Variants in ATXN7 observed in about 807,000 individuals in gnomAD.
The protein encoded by ATXN7 is ataxin 7.
ATXN7 carries 12 observed loss-of-function variants against 70.5 expected under a neutral mutation model. The observed-to-expected ratio is 0.17, with a 90% confidence interval of 0.11 to 0.28. ATXN7 has a LOEUF of 0.28. Ranked by LOEUF, ATXN7 falls within the 10% of genes least tolerant of loss-of-function variation. The pLI is 1.00. For missense variants in ATXN7, 1,256 were observed against 1,131.7 expected, an observed-to-expected ratio of 1.11 and a Z score of -1.58; for synonymous variants, 498 against 448.7, an observed-to-expected ratio of 1.11 and a Z score of -1.39.
At chr3:63,985,547 A>G (rs1209574630) in intron 8 of ATXN7, among the ~76,000 whole-genome samples, 3 of 152,180 alleles carry the variant, frequency 2.0e-5, no homozygotes, top group African/African-American at 7.2e-5. Flanking sequence ...ACATGCCTGC[A>G]TGTCCCTACC....
chr3:63,969,990 G>A (rs548492972), intron 5 of ATXN7, among the ~76,000 whole-genome samples: 2 of 152,266 alleles, frequency 1.3e-5, no homozygotes, highest in South Asian at 2.1e-4. Flanking sequence ...AGATAGTGAG[G>A]TCAAATAAAT....
intron 4 of ATXN7, among the ~76,000 whole-genome samples, chr3:63,945,215 T>C (rs1268926358): frequency 6.6e-6 from 1 of 152,224 alleles, no homozygotes; most frequent in Non-Finnish European, 1.5e-5. Context: ...AACTGTATTT[T>C]AGACACAGGG....
chr3:63,995,717 C>T lies in ATXN7; in HGVS notation c.1895C>T (p.Ser632Leu), dbSNP rs1350730574. The change falls in exon 12 of 13, where the codon TCA becomes TTA. Residue 632 changes from serine to leucine, a missense_variant. By Grantham distance (145) the Ser-to-Leu change is moderately radical. Coordinates refer to ENST00000674280, the MANE Select transcript of ATXN7 (RefSeq NM_001377405.1). ...ACACTAAATGCACAGCCTGCTGCTT[C>T]AGGGGCGATGGATCCTGTGTGCAGT... ...GTTLNAQPAA[S>L]GAMDPVCSMQ... The T allele has an allele frequency of 6.8e-6, 11 of 1,614,258 alleles. No homozygotes were observed. The highest frequency in any genetic ancestry group is 9.3e-6 in the Non-Finnish European group (11 of 1,180,040).
intron 1 of ATXN7, 60 bp from the exon 2 acceptor site, chr3:63,898,339 T>C (rs1008675947): frequency 2.6e-5 from 4 of 152,234 alleles, no homozygotes; most frequent in African/African-American, 9.6e-5. Context: ...AGATTGTATG[T>C]TTCTGATTAG....
intron 4 of ATXN7, among the ~76,000 whole-genome samples, chr3:63,919,599 C>CT (rs200285154): frequency 8.6e-5 from 13 of 151,230 alleles, no homozygotes; most frequent in Admixed American, 2.6e-4. Context: ...CATTCACTAT[C>CT]TTTTTTTTTA....
intron 2 of ATXN7, among the ~76,000 whole-genome samples, chr3:63,907,345 T>C (rs1703869784): frequency 6.6e-6 from 1 of 152,194 alleles, no homozygotes; most frequent in African/African-American, 2.4e-5. Flanking sequence ...GAAATTACGT[T>C]TAACAATGTG....
At chr3:63,891,515 G>A (rs1703262534) in intron 1 of ATXN7, among the ~76,000 whole-genome samples, 1 of 151,622 alleles carries the variant, frequency 6.6e-6, no homozygotes, top group Admixed American at 6.6e-5. Context: ...TAGAGATGGA[G>A]TCTCGCTGTG....
chr3:63,946,063 C>T (rs2074853681), intron 4 of ATXN7, among the ~76,000 whole-genome samples: 1 of 152,178 alleles, frequency 6.6e-6, no homozygotes, highest in African/African-American at 2.4e-5. Flanking sequence ...TTCCAAATGC[C>T]AGTCATTTAC....
intron 4 of ATXN7, among the ~76,000 whole-genome samples, chr3:63,949,272 T>C (rs75645535): frequency 2.0e-5 from 3 of 151,442 alleles, no homozygotes; most frequent in African/African-American, 4.9e-5. Flanking sequence ...TTTTTTTTTT[T>C]CCTGAAGAAG....
At chr3:63,929,341 C>G (rs368162752) in intron 4 of ATXN7, among the ~76,000 whole-genome samples, 1 of 149,126 alleles carries the variant, frequency 6.7e-6, no homozygotes, top group Non-Finnish European at 1.5e-5. Context: ...GGCGCCATCT[C>G]GGCTCACTGC....
chr3:63,934,485 G>C (rs1339284969), intron 4 of ATXN7, among the ~76,000 whole-genome samples: 1 of 152,174 alleles, frequency 6.6e-6, no homozygotes, highest in Non-Finnish European at 1.5e-5. Flanking sequence ...CACTAGGAAA[G>C]AGATGTTCTT....
In ATXN7 at chr3:63,982,253, G is replaced by T; in HGVS notation, c.820G>T (p.Val274Leu). ...KMDGTLLKSA[V>L]GPTCPATVSS... Reference sequence around the variant, plus strand: ...GGATGGCACACTACTGAAATCTGCGGTGGGGCCAACCTGTCCTGCTACTGT... The same window carrying T: ...GGATGGCACACTACTGAAATCTGCGTTGGGGCCAACCTGTCCTGCTACTGT... The change falls in exon 7 of 13, where the codon GTG (valine) becomes TTG (leucine). Residue 274 changes from valine (V) to leucine (L), a missense_variant. By Grantham distance (32) the Val-to-Leu change is conservative (BLOSUM62 1). Coordinates refer to ENST00000674280, the MANE Select transcript of ATXN7 (RefSeq NM_001377405.1). 6.2e-7 allele frequency: 1 copy of T among 1,614,120 alleles called. No individual in the cohort carries two copies. The highest frequency in any genetic ancestry group is 2.2e-5 in the East Asian group (1 of 44,874).
At chr3:63,998,526 GC>G (rs2075795767) in intron 12 of ATXN7, 1 of 985,180 alleles carries the variant, frequency 1.0e-6, no homozygotes, top group South Asian at 4.7e-5. Flanking sequence ...AACACAGACA[GC>G]CTAACTTTGG....
rs145594307 is a variant in ATXN7 at position 63,930,506 on chromosome 3, A to T, written c.394+17281A>T. Among the ~76,000 whole-genome samples the T allele has an allele frequency of 2.9e-3, 438 of 151,188 alleles. 1 individual carries two copies. Among genetic ancestry groups the T allele is most frequent in the African/African-American group, 0.01 (419 of 41,048 alleles). ...TCCAGAGTGGAAGAATAGCCACTTG[A>T]TCTTTTTCAAATCCCAGAGTTTACA... On this transcript the variant is annotated intron_variant, in intron 4 of 12. Coordinates refer to ENST00000674280, the MANE Select transcript of ATXN7 (RefSeq NM_001377405.1).
intron 8 of ATXN7, among the ~76,000 whole-genome samples, chr3:63,986,026 C>T (rs1559657769): frequency 6.6e-6 from 1 of 152,108 alleles, no homozygotes; most frequent in Non-Finnish European, 1.5e-5. Flanking sequence ...GAAGTTTTTC[C>T]AGGGAAGGCT....
At position 63,863,884 on chromosome 3, in the gene ATXN7, A is replaced by C; in HGVS notation, c.-385A>C. ...AAACTCCCACAATGCAGCCGGGTAAACAGCCATGGAGGAGGAGGCGGCGGC... is the reference window on the plus strand; with the variant it reads ...AAACTCCCACAATGCAGCCGGGTAACCAGCCATGGAGGAGGAGGCGGCGGC... On this transcript the variant is annotated 5_prime_UTR_variant, in exon 1 of 13. Coordinates refer to ENST00000674280, the MANE Select transcript of ATXN7 (RefSeq NM_001377405.1). 1.7e-6 allele frequency: 2 copies of C among 1,163,684 alleles called. No individual in the cohort carries two copies. The highest frequency in any genetic ancestry group is 2.1e-6 in the Non-Finnish European group (2 of 951,210). The allele number at this position is 1,163,684 out of a possible 1,614,324, so 72.1% of individuals were successfully genotyped here. A position where few individuals can be genotyped will look rare whatever the true frequency, so the allele number is the denominator to read the frequency against.
At chr3:63,961,075 A>G (rs888900778) in intron 5 of ATXN7, among the ~76,000 whole-genome samples, 1 of 152,232 alleles carries the variant, frequency 6.6e-6, no homozygotes, top group African/African-American at 2.4e-5. Flanking sequence ...TAAGTATGCA[A>G]TCAGACTGAA....
In ATXN7 at chr3:63,982,169, A is replaced by G. The variant is rs1303685028; in HGVS notation, c.753-17A>G. 5 of 1,613,722 alleles carry G rather than the reference A, an allele frequency of 3.1e-6. No homozygotes were observed. The highest frequency in any genetic ancestry group is 2.2e-5 in the East Asian group (1 of 44,850). On this transcript the variant is annotated splice_polypyrimidine_tract_variant and intron_variant, in intron 6 of 12. Transcript: ENST00000674280. The stretch of plus-strand genomic sequence containing the variant: ...GAGGCACTCAGGCACTGGTTTTCTC[A>G]CTTCCTCCTGTGACAGCATGACACC...
At chr3:63,910,869 C>T (rs1442888273) in intron 2 of ATXN7, among the ~76,000 whole-genome samples, 2 of 151,688 alleles carry the variant, frequency 1.3e-5, no homozygotes, top group Non-Finnish European at 2.9e-5. Context: ...TGTGTGTGTG[C>T]GCTTTTAAAT....
Sources: gnomAD v4.1 joint callset for allele counts (sites outside exome capture counted in the v4.1 genomes callset) on GRCh38, gnomAD v4.1.1 for gene constraint, MANE v1.5 for transcripts, NCBI Gene and HGNC (gene_info 2026-07-23, HGNC 2026-07-21) for gene names.